ZFYVE9: variants seen among roughly 807,000 people sequenced by gnomAD.
ZFYVE9 encodes the protein zinc finger FYVE domain-containing protein 9.
Under a neutral mutation model 126.7 loss-of-function variants are expected in ZFYVE9, and 43 were observed. The ratio of observed to expected loss-of-function variants is 0.34; its 90% CI spans 0.27 to 0.44. ZFYVE9 has a LOEUF of 0.44. ZFYVE9 is among the 20% of genes least tolerant of loss of function. The pLI, the probability that ZFYVE9 is intolerant of heterozygous loss-of-function variation, is 1.00. For synonymous variants in ZFYVE9, 521 were observed against 597.4 expected (o/e 0.87, Z 1.87); for missense variants, 1,476 against 1,697.0 (o/e 0.87, Z 2.29).
intron 12 of ZFYVE9, among the ~76,000 whole-genome samples, chr1:52,302,272 C>G (rs541029939): frequency 6.6e-6 from 1 of 152,020 alleles, no homozygotes; most frequent in African/African-American, 2.4e-5. Context: ...GCTTTTTTTG[C>G]AAGTAATGAA....
At chr1:52,235,100 A>G (rs572770514) in intron 3 of ZFYVE9, among the ~76,000 whole-genome samples, 79 of 152,278 alleles carry the variant, frequency 5.2e-4, no homozygotes, top group African/African-American at 1.7e-3. Context: ...AATTGCTTAC[A>G]GAATAATAAC....
intron 1 of ZFYVE9, among the ~76,000 whole-genome samples, chr1:52,174,041 G>A (rs1294101763): frequency 4.0e-5 from 6 of 151,452 alleles, no homozygotes; most frequent in African/African-American, 1.5e-4. Flanking sequence ...CTTGCCTTCT[G>A]CTAGCTTTTG....
intron 2 of ZFYVE9, among the ~76,000 whole-genome samples, chr1:52,226,475 G>A (rs556881381): frequency 1.1e-3 from 164 of 152,284 alleles, no homozygotes; most frequent in African/African-American, 3.6e-3. Context: ...GGCAGAGGTT[G>A]CAGTGAGCCG....
At chr1:52,206,940 A>ATTATGTGTG (rs1180393947) in intron 1 of ZFYVE9, among the ~76,000 whole-genome samples, 7 of 152,188 alleles carry the variant, frequency 4.6e-5, no homozygotes, top group Non-Finnish European at 8.8e-5. Flanking sequence ...GATAAGTCTC[A>ATTATGTGTG]TTATGTGTGT....
chr1:52,274,719 A>C (rs1249356213), intron 8 of ZFYVE9, 135 bp downstream of exon 8: 2 of 951,254 alleles, frequency 2.1e-6, no homozygotes, highest in Non-Finnish European at 2.9e-6. Context: ...AAAACTATGA[A>C]AATGGTTGTT....
intron 17 of ZFYVE9, among the ~76,000 whole-genome samples, chr1:52,340,910 A>C (rs796701208): frequency 2.3e-5 from 3 of 129,930 alleles, no homozygotes; most frequent in South Asian, 2.3e-4. Flanking sequence ...GTCTCAAAAA[A>C]AAAAAAAAAA....
chr1:52,148,994 T>C (rs1182332011), intron 1 of ZFYVE9, among the ~76,000 whole-genome samples: 2 of 122,528 alleles, frequency 1.6e-5, no homozygotes, highest in Non-Finnish European at 3.2e-5. Context: ...AGATAGACTC[T>C]CGCTCTGTCA....
chr1:52,266,876 C>A, intron 6 of ZFYVE9, 45 bp downstream of exon 6: 1 of 1,495,078 alleles, frequency 6.7e-7, no homozygotes, highest in South Asian at 1.4e-5. Flanking sequence ...TCACGAAGTT[C>A]CTCTGAAAAG....
chr1:52,278,373 C>A, intron 8 of ZFYVE9, 119 bp from the exon 9 acceptor site: 2 of 1,303,458 alleles, frequency 1.5e-6, no homozygotes, highest in Non-Finnish European at 2.2e-6. Flanking sequence ...TCTGTATGCA[C>A]CTATTGATAA....
intron 1 of ZFYVE9, among the ~76,000 whole-genome samples, chr1:52,203,537 C>T (rs1644945326): frequency 7.5e-6 from 1 of 133,388 alleles, no homozygotes; most frequent in African/African-American, 2.8e-5. Flanking sequence ...TTGAATATAA[C>T]TATGTATAGG....
chr1:52,295,653 A>T (rs1054096542), intron 11 of ZFYVE9, among the ~76,000 whole-genome samples: 2 of 152,036 alleles, frequency 1.3e-5, no homozygotes, highest in African/African-American at 2.4e-5. Flanking sequence ...ATGAGCCACT[A>T]TGCCTGGCTA....
At chr1:52,281,436 A>G (rs1272476579) in intron 9 of ZFYVE9, among the ~76,000 whole-genome samples, 4 of 152,136 alleles carry the variant, frequency 2.6e-5, no homozygotes, top group African/African-American at 7.2e-5. Flanking sequence ...GCCGTCCTCA[A>G]TCATTTTTCC....
intron 4 of ZFYVE9, among the ~76,000 whole-genome samples, chr1:52,249,809 A>C (rs1645426393): frequency 6.6e-6 from 1 of 152,100 alleles, no homozygotes; most frequent in Non-Finnish European, 1.5e-5. Context: ...GTATAGTATT[A>C]GCTTAGTTTT....
chr1:52,187,900 A>G (rs578109606), intron 1 of ZFYVE9, among the ~76,000 whole-genome samples: 1 of 152,338 alleles, frequency 6.6e-6, no homozygotes, highest in South Asian at 2.1e-4. Context: ...TCCTTTCCAC[A>G]GTGATTCCCT....
At chr1:52,162,735 C>T (rs112050030) in intron 1 of ZFYVE9, 16 of 299,898 alleles carry the variant, frequency 5.3e-5, no homozygotes, top group Non-Finnish European at 8.7e-5. Flanking sequence ...AGAATGACTT[C>T]GGCTCCTTCA....
chr1:52,213,302 A>G (rs1043652839), intron 1 of ZFYVE9, among the ~76,000 whole-genome samples: 2 of 152,194 alleles, frequency 1.3e-5, no homozygotes, highest in Non-Finnish European at 1.5e-5. Context: ...AATGAATGCA[A>G]TAATTTTATT....
chr1:52,266,316 C>T (rs1460336152), intron 5 of ZFYVE9, among the ~76,000 whole-genome samples: 3 of 143,790 alleles, frequency 2.1e-5, no homozygotes, highest in Admixed American at 7.6e-5. Flanking sequence ...CCAGGATGGT[C>T]TTGATTTCCT....
chr1:52,166,305 A>C (rs529204891), intron 1 of ZFYVE9, among the ~76,000 whole-genome samples: 1 of 152,294 alleles, frequency 6.6e-6, no homozygotes, highest in South Asian at 2.1e-4. Flanking sequence ...AACATGGTGA[A>C]AAGGGCATAC....
intron 1 of ZFYVE9, among the ~76,000 whole-genome samples, chr1:52,178,190 A>G (rs1237813244): frequency 6.7e-6 from 1 of 149,114 alleles, no homozygotes; most frequent in Admixed American, 6.7e-5. Flanking sequence ...GAGGCAGGAG[A>G]ATGGCATGAA....
Sources: gnomAD v4.1 joint callset for allele counts (sites outside exome capture counted in the v4.1 genomes callset) on GRCh38, gnomAD v4.1.1 for gene constraint, MANE v1.5 for transcripts, NCBI Gene and HGNC (gene_info 2026-07-23, HGNC 2026-07-21) for gene names.